CYRIA: variants seen among roughly 807,000 people sequenced by gnomAD.
CYRIA encodes CYFIP related Rac1 interactor A.
A neutral mutation model predicts 43.9 loss-of-function variants in CYRIA; 15 were observed. That is an observed-to-expected ratio of 0.34 (90% CI 0.23 to 0.53). The LOEUF is 0.53. Among genes scored for constraint, CYRIA ranks in the 20% least tolerant of loss-of-function variants. The pLI, the probability that CYRIA is intolerant of heterozygous loss-of-function variation, is 0.94. For missense variants in CYRIA, 236 were observed against 394.2 expected (o/e 0.60, Z 3.40); for synonymous variants, 117 against 136.0 (o/e 0.86, Z 0.97).
At chr2:16,663,610 C>A (rs562550187) in intron 1 of CYRIA, among the ~76,000 whole-genome samples, 32 of 151,878 alleles carry the variant, frequency 2.1e-4, no homozygotes, top group Non-Finnish European at 4.0e-4. Flanking sequence ...GGGTCCCTGA[C>A]TTATCTAGTT....
intron 2 of CYRIA, among the ~76,000 whole-genome samples, chr2:16,602,845 C>CT (rs2103479482): frequency 6.6e-6 from 1 of 152,212 alleles, no homozygotes; most frequent in African/African-American, 2.4e-5. Context: ...ACTCAGAATG[C>CT]TCTTTGCTCC....
intron 1 of CYRIA, among the ~76,000 whole-genome samples, chr2:16,643,434 A>C (rs1316598465): frequency 6.6e-6 from 1 of 152,222 alleles, no homozygotes; most frequent in Admixed American, 6.5e-5. Flanking sequence ...AAAGGATGCC[A>C]CTAGAGAAGC....
intron 2 of CYRIA, among the ~76,000 whole-genome samples, chr2:16,590,081 C>A (rs931230812): frequency 6.6e-6 from 1 of 151,996 alleles, no homozygotes; most frequent in Admixed American, 6.6e-5. Flanking sequence ...CACACACACA[C>A]ACACACACAC....
chr2:16,593,718 G>GTTTTTTTT (rs572181896), intron 2 of CYRIA, among the ~76,000 whole-genome samples: 6 of 85,828 alleles, frequency 7.0e-5, no homozygotes, highest in Admixed American at 1.2e-4. Context: ...GTGTGTGTGT[G>GTTTTTTTT]TTTTTTTTTT....
At chr2:16,612,763 G>GTGGA (rs781124518) in intron 2 of CYRIA, among the ~76,000 whole-genome samples, 4 of 152,210 alleles carry the variant, frequency 2.6e-5, no homozygotes, top group Non-Finnish European at 5.9e-5. Flanking sequence ...CCAAGCGGAG[G>GTGGA]TGGATGCTCA....
intron 1 of CYRIA, among the ~76,000 whole-genome samples, chr2:16,628,569 C>T (rs150549304): frequency 1.4e-3 from 219 of 152,350 alleles, no homozygotes; most frequent in Non-Finnish European, 2.2e-3. Context: ...CACAGTCATA[C>T]AGTTGGGGTG....
chr2:16,579,439 A>ACACG (rs140179364), intron 3 of CYRIA, among the ~76,000 whole-genome samples: 1 of 151,876 alleles, frequency 6.6e-6, no homozygotes, highest in Non-Finnish European at 1.5e-5. Flanking sequence ...ACACACACAC[A>ACACG]CACACACTCG....
At chr2:16,637,639 AAAT>A (rs1669538298) in intron 1 of CYRIA, among the ~76,000 whole-genome samples, 1 of 152,236 alleles carries the variant, frequency 6.6e-6, no homozygotes, top group African/African-American at 2.4e-5. Flanking sequence ...AGTAATGACA[AAAT>A]AATTTTGCCA....
chr2:16,641,696 C>T (rs1173366959), intron 1 of CYRIA, among the ~76,000 whole-genome samples: 3 of 152,244 alleles, frequency 2.0e-5, no homozygotes, highest in Admixed American at 1.3e-4. Flanking sequence ...TGCATAAGCA[C>T]ACAAGTGAGC....
At chr2:16,609,650 T>A (rs550086691) in intron 2 of CYRIA, among the ~76,000 whole-genome samples, 49 of 152,334 alleles carry the variant, frequency 3.2e-4, no homozygotes, top group African/African-American at 1.2e-3. Context: ...TTCTTTTAAG[T>A]ATATATCATC....
intron 10 of CYRIA, among the ~76,000 whole-genome samples, chr2:16,556,962 G>T (rs1044816613): frequency 6.6e-6 from 1 of 152,122 alleles, no homozygotes; most frequent in African/African-American, 2.4e-5. Context: ...AGGTTTGTGG[G>T]GGGAGGGGAA....
At chr2:16,555,677 T>C (rs1211444515) in intron 10 of CYRIA, among the ~76,000 whole-genome samples, 1 of 152,158 alleles carries the variant, frequency 6.6e-6, no homozygotes, top group Non-Finnish European at 1.5e-5. Flanking sequence ...CTGACCTCAC[T>C]ACCTTCATTA....
In CYRIA at chr2:16,551,458, A is replaced by C. The variant is rs929173036; in HGVS notation, c.*1478T>G. 2 of 152,164 alleles carry C rather than the reference A, an allele frequency of 1.3e-5. No homozygotes were observed. Among genetic ancestry groups the C allele is most frequent in the East Asian group, 3.9e-4 (2 of 5,184 alleles). The allele number at this position is 152,164 out of a possible 1,614,324, so 9.4% of individuals were successfully genotyped here. ...TCCCATAGTATGTATTCACAGCCAC[A>C]TGGTATAAAAGGAAGAGCATGGAGT... On this transcript the variant is annotated 3_prime_UTR_variant, in exon 12 of 12. Transcript: ENST00000381323.
At chr2:16,646,584 A>C (rs1375697864) in intron 1 of CYRIA, among the ~76,000 whole-genome samples, 4 of 152,176 alleles carry the variant, frequency 2.6e-5, no homozygotes, top group Admixed American at 6.5e-5. Context: ...CATTTTCTTT[A>C]ATTGTACTTA....
chr2:16,627,773 A>T (rs1370614885), intron 1 of CYRIA, among the ~76,000 whole-genome samples: 1 of 152,232 alleles, frequency 6.6e-6, no homozygotes, highest in Non-Finnish European at 1.5e-5. Flanking sequence ...CTGTGCAGGC[A>T]GAATTAGGAA....
intron 1 of CYRIA, among the ~76,000 whole-genome samples, chr2:16,634,454 CCT>C (rs1669432033): frequency 6.6e-6 from 1 of 152,234 alleles, no homozygotes; most frequent in African/African-American, 2.4e-5. Flanking sequence ...TCCAGGACCC[CCT>C]TCTGGGGAAC....
intron 2 of CYRIA, among the ~76,000 whole-genome samples, chr2:16,608,914 T>G (rs1157025277): frequency 2.6e-5 from 4 of 152,132 alleles, no homozygotes; most frequent in African/African-American, 9.7e-5. Flanking sequence ...GATGGGATCA[T>G]TCACATGGCT....
Position 16,562,804 on chromosome 2 carries a change from G to A in CYRIA, c.299-663C>T, listed in dbSNP as rs112711400. Among the ~76,000 whole-genome samples, 1,285 of 152,208 alleles carry A rather than the reference G, an allele frequency of 8.4e-3. 25 individuals carry two copies. The highest frequency in any genetic ancestry group is 0.029 in the African/African-American group (1,218 of 41,544). ...CAGCCAAATCCGGTCCATTACTTGT[G>A]TTTTGTAAATAAACACAAGTTTTAT... On this transcript the variant is annotated intron_variant, in intron 5 of 11. Transcript: ENST00000381323.
rs1488347096 is a variant in CYRIA at position 16,550,111 on chromosome 2, C to T, written c.*2825G>A. On this transcript the variant is annotated 3_prime_UTR_variant, in exon 12 of 12. Coordinates refer to ENST00000381323, the MANE Select transcript of CYRIA (RefSeq NM_030797.4). The stretch of plus-strand genomic sequence containing the variant: ...CATCTGAGAAACATAATTTTTACCT[C>T]GTTGCTTTCCCAAAAATAAATATCT... The T allele has an allele frequency of 1.3e-5, 2 of 151,240 alleles. No individual in the cohort carries two copies. Among genetic ancestry groups the T allele is most frequent in the Non-Finnish European group, 2.9e-5 (2 of 67,882 alleles). The allele number at this position is 151,240 out of a possible 1,614,324, so 9.4% of individuals were successfully genotyped here. A position where few individuals can be genotyped will look rare whatever the true frequency, so the allele number is the denominator to read the frequency against.
Sources: allele counts gnomAD v4.1 joint callset (sites outside exome capture counted in the v4.1 genomes callset), GRCh38; gene constraint gnomAD v4.1.1; transcripts MANE v1.5; gene names NCBI Gene and HGNC (gene_info 2026-07-23, HGNC 2026-07-21).